The following PANK2 variants were observed in gnomAD, a reference collection of about 807,000 sequenced individuals.
PANK2 encodes the protein pantothenate kinase 2, mitochondrial.
PANK2 carries 36 observed loss-of-function variants against 43.1 expected under a neutral mutation model. That is an observed-to-expected ratio of 0.84 (90% confidence interval 0.64 to 1.10). The LOEUF (loss-of-function observed/expected upper bound fraction) is 1.10. Ranked by LOEUF, PANK2 falls within the 50% of genes least tolerant of loss-of-function variation. The pLI, the probability that PANK2 is intolerant of heterozygous loss-of-function variation, is 0.00. For synonymous variants in PANK2, 281 were observed against 238.2 expected (o/e 1.18, Z -1.66); for missense variants, 576 against 593.3 (o/e 0.97, Z 0.30).
chr20:3,916,971 A>G lies in PANK2; in HGVS notation c.1127A>G (p.Lys376Arg), dbSNP rs1206919768. Residue 376 changes from lysine (K) to arginine (R), a missense_variant, in exon 5 of 7, where the codon AAA (lysine) becomes AGA (arginine). Lys to Arg is a conservative substitution (Grantham distance 26, BLOSUM62 2). Around this residue, in one of 2 missense-constraint regions of PANK2, gnomAD observed 544 missense variants for 528.9 expected, o/e 1.03. Coordinates refer to ENST00000610179, the MANE Select transcript of PANK2 (RefSeq NM_001386393.1). ...AAGGAGAAGCGAGAGGCTGTCAGTA[A>G]AGAGGACCTGGCCAGAGCGACTTTG... 1.2e-6 allele frequency: 2 copies of G among 1,614,098 alleles called. No individual in the cohort carries two copies. Among genetic ancestry groups the G allele is most frequent in the Admixed American group, 1.7e-5 (1 of 60,006 alleles).
intron 1 of PANK2, among the ~76,000 whole-genome samples, chr20:3,892,514 A>C (rs116892239): frequency 1.8e-3 from 271 of 151,838 alleles, no homozygotes; most frequent in African/African-American, 3.5e-3. Flanking sequence ...ATCTCTACTA[A>C]AAATACAAAA....
At position 3,923,157 on chromosome 20, in the gene PANK2, G is replaced by A. The variant is rs559966830; in HGVS notation, c.1333-87G>A. ...ATGGGTATGCTGTGTGTGGGCAGTG[G>A]TTGGCTTTAACACTAGTCATCATGT... is the stretch of plus-strand genomic sequence containing the variant. On this transcript the variant is annotated intron_variant, in intron 6 of 6. Transcript: ENST00000610179. 23 of 1,465,652 alleles carry A rather than the reference G, an allele frequency of 1.6e-5. No homozygotes were observed. In the South Asian group the frequency reaches 2.4e-4, roughly 15 times the overall value. 90.8% of individuals were successfully genotyped at this position (1,465,652 alleles called of 1,614,324 possible).
intron 5 of PANK2, among the ~76,000 whole-genome samples, chr20:3,918,326 GT>G (rs1319575887): frequency 1.3e-5 from 2 of 151,686 alleles, no homozygotes; most frequent in Admixed American, 1.3e-4. Flanking sequence ...TACTTTGCCT[GT>G]TTGTGTCACT....
At chr20:3,921,060 T>G (rs2146899171) in intron 6 of PANK2, among the ~76,000 whole-genome samples, 1 of 152,304 alleles carries the variant, frequency 6.6e-6, no homozygotes, top group Admixed American at 6.5e-5. Flanking sequence ...TTATTTTATT[T>G]TATTTTTTTA....
chr20:3,888,823 G>C (rs2090056903), upstream of PANK2: 2 of 436,848 alleles, frequency 4.6e-6, no homozygotes, highest in South Asian at 9.6e-5. Flanking sequence ...CGGAAAGGAG[G>C]CGGCTTAGCC....
rs2090788613 is a variant in PANK2 at position 3,929,512 on chromosome 20, C to CA, written c.*6222dup. ...CTCAGTAGCTAAGATGTCTGCCCCA[C>CA]AAAATAGAAGCCTTCAGTTGCTGCT... On this transcript the variant is annotated 3_prime_UTR_variant, in exon 7 of 7. Coordinates refer to ENST00000610179, the MANE Select transcript of PANK2 (RefSeq NM_001386393.1). 1 of 152,362 alleles carries CA rather than the reference C, an allele frequency of 6.6e-6. No individual in the cohort carries two copies. The highest frequency in any genetic ancestry group is 1.5e-5 in the Non-Finnish European group (1 of 68,124). 9.4% of individuals were successfully genotyped at this position (152,362 alleles called of 1,614,324 possible).
At chr20:3,891,861 A>G (rs984188541) in intron 1 of PANK2, among the ~76,000 whole-genome samples, 3 of 152,218 alleles carry the variant, frequency 2.0e-5, no homozygotes, top group Non-Finnish European at 4.4e-5. Context: ...TATTCATGCT[A>G]TAGGATTTAT....
chr20:3,903,147 T>A (rs2090331063), intron 1 of PANK2, among the ~76,000 whole-genome samples: 1 of 150,400 alleles, frequency 6.6e-6, no homozygotes, highest in Non-Finnish European at 1.5e-5. Flanking sequence ...CCTTTTTTTT[T>A]TTTTTCCCCC....
In PANK2 at chr20:3,910,680, A is replaced by G. The variant is rs1047105792; in HGVS notation, c.755A>G (p.Tyr252Cys). ...TTCAATGGACGGTCACAGTGCTATTACTTTGAAAACCCTGCTGATTCTGAA... is the reference window on the plus strand; with the variant it reads ...TTCAATGGACGGTCACAGTGCTATTGCTTTGAAAACCCTGCTGATTCTGAA... Residue 252 changes from tyrosine (Y) to cysteine (C), a missense_variant, in exon 3 of 7, where the codon TAC becomes TGC. By Grantham distance (194) the Tyr-to-Cys change is radical (BLOSUM62 -2). Coordinates refer to ENST00000610179, the MANE Select transcript of PANK2 (RefSeq NM_001386393.1). 6.2e-7 allele frequency: 1 copy of G among 1,614,066 alleles called. No homozygotes were observed. The highest frequency in any genetic ancestry group is 8.5e-7 in the Non-Finnish European group (1 of 1,180,028).
intron 6 of PANK2, among the ~76,000 whole-genome samples, chr20:3,920,374 G>A (rs987353820): frequency 2.6e-5 from 4 of 152,052 alleles, no homozygotes; most frequent in African/African-American, 9.7e-5. Flanking sequence ...AAATTAGCTG[G>A]GCGCAATGGC....
chr20:3,904,858 T>A (rs1013075360), intron 1 of PANK2, among the ~76,000 whole-genome samples: 10 of 152,216 alleles, frequency 6.6e-5, no homozygotes, highest in African/African-American at 2.4e-4. Flanking sequence ...TTTTCTAGTT[T>A]GTAAAAGTGA....
intron 6 of PANK2, among the ~76,000 whole-genome samples, chr20:3,920,028 C>T (rs1307263891): frequency 6.6e-6 from 1 of 152,122 alleles, no homozygotes; most frequent in Non-Finnish European, 1.5e-5. Flanking sequence ...TAAACCAGCA[C>T]CGAATTGCCA....
At chr20:3,906,658 TA>T (rs533056068) in intron 1 of PANK2, among the ~76,000 whole-genome samples, 21 of 151,524 alleles carry the variant, frequency 1.4e-4, no homozygotes, top group Non-Finnish European at 2.8e-4. Flanking sequence ...GTACTAAAAA[TA>T]AAAAAAACAA....
In PANK2 at chr20:3,897,455, C is replaced by A. The variant is rs550246501; in HGVS notation, c.298+7727C>A. Among the ~76,000 whole-genome samples the A allele has an allele frequency of 3.9e-5, 6 of 152,266 alleles. No homozygotes were observed. The South Asian group carries it at 6.2e-4, about 16-fold the overall frequency. ...TTAGCTCACGTCTGTAATCTCAGTACTTTGGGAGGCTGAGGCGGGTGGATC... is the reference window on the plus strand; with the variant it reads ...TTAGCTCACGTCTGTAATCTCAGTAATTTGGGAGGCTGAGGCGGGTGGATC... On this transcript the variant is annotated intron_variant, in intron 1 of 6. Coordinates refer to ENST00000610179, the MANE Select transcript of PANK2 (RefSeq NM_001386393.1).
At chr20:3,918,275 C>G (rs2090593995) in intron 5 of PANK2, among the ~76,000 whole-genome samples, 1 of 151,940 alleles carries the variant, frequency 6.6e-6, no homozygotes, top group South Asian at 2.1e-4. Context: ...TGTTTGATGA[C>G]TAGTGGTTTG....
intron 5 of PANK2, among the ~76,000 whole-genome samples, chr20:3,917,897 A>G (rs2146890548): frequency 6.6e-6 from 1 of 152,214 alleles, no homozygotes; most frequent in East Asian, 1.9e-4. Context: ...CACAATTTGT[A>G]TTTTATACTT....
upstream of PANK2, chr20:3,888,973 G>T: frequency 1.4e-6 from 1 of 722,222 alleles, no homozygotes; most frequent in Non-Finnish European, 2.2e-6. Context: ...GCACTGCTGG[G>T]CTGGAGGAGG....
rs2090412722 is a variant in PANK2, at chr20:3,907,947, A to G, written c.320A>G (p.Asp107Gly). ...TTAGTTTTTCCATGGTTTGGACTGG[A>G]TATCGGTGGAACTCTGGTCAAGCTG... is the stretch of plus-strand genomic sequence containing the variant. Residue 107 changes from aspartate (D) to glycine (G), a missense_variant, in exon 2 of 7, where the codon GAT (aspartate) becomes GGT (glycine). By Grantham distance (94) the Asp-to-Gly change is moderately conservative. Around this residue, in one of 2 missense-constraint regions of PANK2, gnomAD observed 544 missense variants for 528.9 expected, o/e 1.03. Transcript: ENST00000610179. The G allele has an allele frequency of 6.2e-7, 1 of 1,614,152 alleles. No homozygotes were observed. Among genetic ancestry groups the G allele is most frequent in the Non-Finnish European group, 8.5e-7 (1 of 1,180,030 alleles).
At chr20:3,893,661 C>G (rs574324819) in intron 1 of PANK2, among the ~76,000 whole-genome samples, 68 of 152,262 alleles carry the variant, frequency 4.5e-4, no homozygotes, top group African/African-American at 1.6e-3. Context: ...TCCTACAAAT[C>G]TAACCTTCAT....
Sources: allele counts gnomAD v4.1 joint callset (sites outside exome capture counted in the v4.1 genomes callset), GRCh38; gene constraint gnomAD v4.1.1; regional missense constraint gnomAD v4.1.1; transcripts MANE v1.5; gene names NCBI Gene and HGNC (gene_info 2026-07-23, HGNC 2026-07-21).